Variants in NBAS observed in about 807,000 individuals in gnomAD.
NBAS encodes NAG/BC035112 fusion.
A neutral mutation model predicts 302.5 loss-of-function variants in NBAS; 219 were observed. The observed-to-expected ratio is 0.72, with a 90% CI of 0.65 to 0.81. The LOEUF is 0.81. Among genes scored for constraint, NBAS ranks in the 30% least tolerant of loss-of-function variants. The pLI, the probability that NBAS is intolerant of heterozygous loss-of-function variation, is 0.00. For missense variants in NBAS, 2,932 were observed against 2,841.6 expected (o/e 1.03, Z -0.72); for synonymous variants, 1,118 against 1,021.6 (o/e 1.09, Z -1.80).
intron 48 of NBAS, among the ~76,000 whole-genome samples, chr2:15,199,126 C>CA (rs71400641): frequency 0.26 from 19,279 of 74,952 alleles, 2,488 homozygotes; most frequent in Non-Finnish European, 0.3. Context: ...GACTCCATCT[C>CA]AAAAAAAAAA....
At chr2:15,380,718 ATAAT>A (rs1392741349) in intron 29 of NBAS, among the ~76,000 whole-genome samples, 1 of 152,212 alleles carries the variant, frequency 6.6e-6, no homozygotes, top group Non-Finnish European at 1.5e-5. Flanking sequence ...AATGTTACAT[ATAAT>A]TAGTCTAAGA....
the NBAS span, among the ~76,000 whole-genome samples, chr2:14,788,097 C>T: frequency 6.6e-6 from 1 of 152,232 alleles, no homozygotes; most frequent in African/African-American, 2.4e-5. Flanking sequence ...GATACCCTTT[C>T]TTCCAGTTGA....
chr2:14,989,032 A>G, the NBAS span, among the ~76,000 whole-genome samples: 1 of 152,210 alleles, frequency 6.6e-6, no homozygotes, highest in Admixed American at 6.5e-5. Context: ...CAGCAATAAA[A>G]GAATAAAGTT....
At chr2:14,844,266 C>T in the NBAS span, among the ~76,000 whole-genome samples, 6 of 152,124 alleles carry the variant, frequency 3.9e-5, no homozygotes, top group Admixed American at 2.0e-4. Context: ...TGTTCCAGGC[C>T]GTAGCTCCCA....
chr2:15,557,252 G>A (rs537895178), intron 2 of NBAS, among the ~76,000 whole-genome samples: 84 of 152,038 alleles, frequency 5.5e-4, no homozygotes, highest in Non-Finnish European at 1.1e-3. Context: ...GAAAGCCCAC[G>A]GAAAACAAAA....
In NBAS at chr2:15,278,675, C is replaced by T. The variant is rs62119462; in HGVS notation, c.5139-1574G>A. On this transcript the variant is annotated intron_variant, in intron 42 of 51. Coordinates refer to ENST00000281513, the MANE Select transcript of NBAS (RefSeq NM_015909.4). The stretch of plus-strand genomic sequence containing the variant: ...ATATAAAGACTTACAGCATAGAGCT[C>T]CCATCCAAATTTGAAAATCCAGTTG... 5.6e-3 allele frequency among the ~76,000 whole-genome samples: 850 copies of T among 152,202 alleles called. 3 individuals carry two copies. The highest frequency in any genetic ancestry group is 8.6e-3 in the Non-Finnish European group (584 of 67,982).
chr2:15,062,297 T>A, the NBAS span, among the ~76,000 whole-genome samples: 7 of 152,200 alleles, frequency 4.6e-5, no homozygotes, highest in Non-Finnish European at 1.0e-4. Flanking sequence ...CTGAGCACCA[T>A]CTATTATCCT....
At chr2:15,372,625 T>A (rs1674542373) in intron 31 of NBAS, among the ~76,000 whole-genome samples, 1 of 152,176 alleles carries the variant, frequency 6.6e-6, no homozygotes, top group African/African-American at 2.4e-5. Context: ...CATCTTCACA[T>A]CCAGAAGGTT....
chr2:15,424,185 T>C (rs1030890969), intron 23 of NBAS, 130 bp downstream of exon 23: 4 of 1,097,764 alleles, frequency 3.6e-6, no homozygotes, highest in African/African-American at 3.1e-5. Context: ...GAAATAAATA[T>C]TCAATTCATC....
chr2:15,034,236 G>GAAAGAAAGAA, the NBAS span, among the ~76,000 whole-genome samples: 1 of 41,126 alleles, frequency 2.4e-5, no homozygotes, highest in Non-Finnish European at 4.9e-5. Flanking sequence ...AAGAAAGAAG[G>GAAAGAAAGAA]AAAGAAAGAA....
chr2:14,953,879 T>C, the NBAS span, among the ~76,000 whole-genome samples: 5 of 152,254 alleles, frequency 3.3e-5, no homozygotes, highest in East Asian at 9.7e-4. Flanking sequence ...GATATAACCA[T>C]GAGAGGTGAT....
At chr2:15,085,906 G>A in the NBAS span, among the ~76,000 whole-genome samples, 3 of 152,196 alleles carry the variant, frequency 2.0e-5, no homozygotes, top group Non-Finnish European at 4.4e-5. Flanking sequence ...CTGAGGAGGT[G>A]CTTCGGGCAG....
the NBAS span, among the ~76,000 whole-genome samples, chr2:14,912,370 T>A: frequency 6.6e-6 from 1 of 152,166 alleles, no homozygotes; most frequent in East Asian, 1.9e-4. Flanking sequence ...ATAAATGTCA[T>A]TAATTATAGA....
At chr2:15,033,885 T>G in the NBAS span, among the ~76,000 whole-genome samples, 4 of 151,146 alleles carry the variant, frequency 2.6e-5, no homozygotes, top group East Asian at 5.9e-4. Flanking sequence ...GGGGCAGAGT[T>G]TGCAGTAAAC....
the NBAS span, among the ~76,000 whole-genome samples, chr2:14,818,838 A>C: frequency 1.3e-5 from 2 of 152,238 alleles, no homozygotes; most frequent in African/African-American, 4.8e-5. Flanking sequence ...GTACTGAAGC[A>C]CAGTCTTGCA....
At chr2:14,803,295 G>A in the NBAS span, among the ~76,000 whole-genome samples, 17 of 152,238 alleles carry the variant, frequency 1.1e-4, no homozygotes, top group South Asian at 3.5e-3. Context: ...TTCCATATCA[G>A]GTAGTTTCTC....
intron 11 of NBAS, among the ~76,000 whole-genome samples, chr2:15,489,335 T>G (rs1255143796): frequency 1.3e-5 from 2 of 152,208 alleles, no homozygotes; most frequent in Non-Finnish European, 2.9e-5. Flanking sequence ...CCATGAATTC[T>G]CAATACCTTT....
the NBAS span, among the ~76,000 whole-genome samples, chr2:15,071,332 C>T: frequency 6.6e-6 from 1 of 152,142 alleles, no homozygotes; most frequent in African/African-American, 2.4e-5. Flanking sequence ...CAAGAAAGCC[C>T]CACCACAAAG....
chr2:15,109,856 C>T, the NBAS span, among the ~76,000 whole-genome samples: 15 of 152,142 alleles, frequency 9.9e-5, no homozygotes, highest in South Asian at 2.9e-3. Context: ...AGCATTCAGT[C>T]CCTACTAAAT....
Sources: gnomAD v4.1 joint callset for allele counts (sites outside exome capture counted in the v4.1 genomes callset) on GRCh38, gnomAD v4.1.1 for gene constraint, MANE v1.5 for transcripts, NCBI Gene and HGNC (gene_info 2026-07-23, HGNC 2026-07-21) for gene names.